ZNF3: variants seen among roughly 807,000 people sequenced by gnomAD.
The protein encoded by ZNF3 is C2-H2 type zinc finger protein.
A neutral mutation model predicts 36.9 loss-of-function variants in ZNF3; 16 were observed. The ratio of observed to expected loss-of-function variants is 0.43; its 90% CI spans 0.29 to 0.66. ZNF3 has a LOEUF of 0.66. Ranked by LOEUF, ZNF3 falls within the 30% of genes least tolerant of loss-of-function variation. The pLI, the probability that ZNF3 is intolerant of heterozygous loss-of-function variation, is 0.13. For missense variants in ZNF3, 462 were observed against 543.1 expected (o/e 0.85, Z 1.48); for synonymous variants, 201 against 201.9 (o/e 1.00, Z 0.04).
Position 100,075,273 on chromosome 7 carries a change from C to A in ZNF3, c.145-12G>T. 1.2e-6 allele frequency: 2 copies of A among 1,614,002 alleles called. No homozygotes were observed. Among genetic ancestry groups the A allele is most frequent in the Non-Finnish European group, 1.7e-6 (2 of 1,179,996 alleles). ...AAGGTTACCAGCTCCTGAAACAACA[C>A]GTGCTGGCATGCAATTTCAGGGTGA... On this transcript the variant is annotated splice_polypyrimidine_tract_variant and intron_variant, in intron 4 of 5. Coordinates refer to ENST00000299667, the MANE Select transcript of ZNF3 (RefSeq NM_032924.5).
downstream of ZNF3, chr7:100,063,978 A>T: frequency 6.2e-7 from 1 of 1,614,194 alleles, no homozygotes; most frequent in Non-Finnish European, 8.5e-7. Context: ...GCTCCAAGAA[A>T]GGTAGAGAAT....
At chr7:100,076,538 C>T (rs1794139977) in intron 3 of ZNF3, among the ~76,000 whole-genome samples, 1 of 151,730 alleles carries the variant, frequency 6.6e-6, no homozygotes, top group African/African-American at 2.4e-5. Context: ...GTGATCTGCC[C>T]GCCTCAGCCT....
chr7:100,072,256 G>C, intron 5 of ZNF3, 44 bp from the exon 6 acceptor site: 2 of 1,480,098 alleles, frequency 1.4e-6, no homozygotes, highest in Non-Finnish European at 1.8e-6. Context: ...CCTTAGGGAA[G>C]AAAGAGTGAA....
Position 100,070,911 on chromosome 7 carries a change from G to A in ZNF3, c.*232C>T. On this transcript the variant is annotated 3_prime_UTR_variant, in exon 6 of 6. Transcript: ENST00000299667. ...TAGTGCAAACTCCTTTCCTAAATGG[G>A]GTAACTGGTCCCAGAGCTGCTTTCT... 1.5e-6 allele frequency: 2 copies of A among 1,325,056 alleles called. No individual in the cohort carries two copies. Among genetic ancestry groups the A allele is most frequent in the East Asian group, 2.9e-5 (1 of 34,660 alleles). The allele number at this position is 1,325,056 out of a possible 1,614,324, so 82.1% of individuals were successfully genotyped here.
chr7:100,071,492 T>C lies in ZNF3; in HGVS notation c.992A>G (p.Gln331Arg), dbSNP rs757561310. Residue 331 changes from glutamine (Q) to arginine (R), a missense_variant, in exon 6 of 6, where the codon CAG becomes CGG. Coordinates refer to ENST00000299667, the MANE Select transcript of ZNF3 (RefSeq NM_032924.5). Reference sequence around the variant, plus strand: ...GGGTTTTTCTCCAGTGTGGATTCTCTGATGGTGAATAAGGGTTGAGCTCCT... The same window carrying C: ...GGGTTTTTCTCCAGTGTGGATTCTCCGATGGTGAATAAGGGTTGAGCTCCT... ...FSRSSTLIHHQRIHTGEKPYE... is the reference protein window; with the variant it reads ...FSRSSTLIHHRRIHTGEKPYE... 6.2e-7 allele frequency: 1 copy of C among 1,613,932 alleles called. No homozygotes were observed. Among genetic ancestry groups the C allele is most frequent in the African/African-American group, 1.3e-5 (1 of 74,880 alleles).
chr7:100,070,214 T>C lies in ZNF3; in HGVS notation c.*929A>G, dbSNP rs931122878. 3.0e-6 allele frequency: 3 copies of C among 985,386 alleles called. No homozygotes were observed. In the African/African-American group the frequency reaches 5.2e-5, roughly 17 times the overall value. 61.0% of individuals were successfully genotyped at this position (985,386 alleles called of 1,614,324 possible). A position where few individuals can be genotyped will look rare whatever the true frequency, so the allele number is the denominator to read the frequency against. On this transcript the variant is annotated 3_prime_UTR_variant, in exon 6 of 6. Coordinates refer to ENST00000299667, the MANE Select transcript of ZNF3 (RefSeq NM_032924.5). ...CTTTGCTCTTTCTCTGCATTAATCT[T>C]CAGCTGCTGAAGAGTCAGAGGTGGA...
intron 5 of ZNF3, chr7:100,064,942 T>C (rs1584393727): frequency 1.2e-6 from 2 of 1,609,004 alleles, no homozygotes; most frequent in South Asian, 2.2e-5. Context: ...TAAGATTGTT[T>C]AATTTTTAAC....
chr7:100,071,628 A>T lies in ZNF3; in HGVS notation c.856T>A (p.Cys286Ser). 1 of 1,614,080 alleles carries T rather than the reference A, an allele frequency of 6.2e-7. No homozygotes were observed. Among genetic ancestry groups the T allele is most frequent in the South Asian group, 1.1e-5 (1 of 91,080 alleles). The change falls in exon 6 of 6, where the codon TGT becomes AGT. Residue 286 changes from cysteine to serine, a missense_variant. Cys to Ser is a moderately radical substitution (Grantham distance 112). Coordinates refer to ENST00000299667, the MANE Select transcript of ZNF3 (RefSeq NM_032924.5). ...RIHTGEKPYE[C>S]NECGKTFSWS... is the part of the protein sequence containing the mutation. ...CTGAAGGTCTTCCCACACTCATTAC[A>T]TTCATAGGGTTTCTCCCCCGTGTGG...
At chr7:100,074,150 A>G (rs1793678389) in intron 5 of ZNF3, among the ~76,000 whole-genome samples, 1 of 151,980 alleles carries the variant, frequency 6.6e-6, no homozygotes, top group African/African-American at 2.4e-5. Flanking sequence ...GTGAAACTCC[A>G]TCTCAAAAAA....
At chr7:100,074,622 A>G (rs571861054) in intron 5 of ZNF3, among the ~76,000 whole-genome samples, 1 of 152,358 alleles carries the variant, frequency 6.6e-6, no homozygotes, top group African/African-American at 2.4e-5. Context: ...AGCTGCCTCA[A>G]TTAATGTGTT....
rs1793206716 is a variant in ZNF3 at position 100,071,818 on chromosome 7, G to A, written c.666C>T (p.His222=). The stretch of plus-strand genomic sequence containing the variant: ...TACATTCATAGGGCTTTTCCCCAGT[G>A]TGGATTCTCTGATGTTGAATAAGGT... ...TSDLIQHQRI[H]TGEKPYECNE... The change falls in exon 6 of 6, where the codon CAC becomes CAT. Residue 222 remains histidine (H), a synonymous_variant. Transcript: ENST00000299667. The A allele has an allele frequency of 6.2e-7, 1 of 1,613,760 alleles. No individual in the cohort carries two copies. The highest frequency in any genetic ancestry group is 1.3e-5 in the African/African-American group (1 of 74,926).
At chr7:100,080,283 G>A (rs959042204) in intron 1 of ZNF3, among the ~76,000 whole-genome samples, 1 of 152,188 alleles carries the variant, frequency 6.6e-6, no homozygotes, top group African/African-American at 2.4e-5. Flanking sequence ...GTGATTCGCT[G>A]AAAATCTATC....
chr7:100,075,468 G>C (rs748771898), intron 4 of ZNF3, 74 bp downstream of exon 4: 2 of 1,571,868 alleles, frequency 1.3e-6, no homozygotes, highest in Non-Finnish European at 1.7e-6. Context: ...GAGGAGATCA[G>C]GGTTTAAAGC....
chr7:100,079,547 TTTCC>T lies in ZNF3; in HGVS notation c.-92_-89del, dbSNP rs1320463812. The T allele has an allele frequency of 6.6e-6, 1 of 152,198 alleles. No homozygotes were observed. Among genetic ancestry groups the T allele is most frequent in the Admixed American group, 6.5e-5 (1 of 15,274 alleles). 9.4% of individuals were successfully genotyped at this position (152,198 alleles called of 1,614,324 possible). Reference sequence around the variant, plus strand: ...ACGGAAAGCTTTACCTGCCTGATTCTTTCCTTCCTTCTTTGAAGTCAGTCCCTAG... The same window carrying T: ...ACGGAAAGCTTTACCTGCCTGATTCTTTCCTTCTTTGAAGTCAGTCCCTAG... On this transcript the variant is annotated 5_prime_UTR_variant, in exon 2 of 6. Transcript: ENST00000299667.
intron 3 of ZNF3, 133 bp downstream of exon 3, chr7:100,077,170 T>C (rs1266575595): frequency 9.4e-7 from 1 of 1,065,284 alleles, no homozygotes; most frequent in Non-Finnish European, 1.4e-6. Flanking sequence ...GGCTGTGAGT[T>C]ACTGAATGGC....
intron 5 of ZNF3, among the ~76,000 whole-genome samples, chr7:100,072,969 G>A (rs1323353077): frequency 6.6e-6 from 1 of 152,220 alleles, no homozygotes; most frequent in Admixed American, 6.5e-5. Context: ...GGTAATGTGT[G>A]TTAGGGACGG....
Position 100,064,428 on chromosome 7 carries a change from C to T in ZNF3, c.*360G>A, listed in dbSNP as rs759065322. On this transcript the variant is annotated 3_prime_UTR_variant, in exon 6 of 6. Transcript: ENST00000413658. ...TCAGCTCCCACCAGAGACTCCACAC[C>T]GGAGAGAAGCCATATAAGTGTAAGG... 1.6e-5 allele frequency: 26 copies of T among 1,613,906 alleles called. No individual in the cohort carries two copies. The East Asian group carries it at 1.8e-4, about 11-fold the overall frequency.
chr7:100,081,453 C>T lies in ZNF3; in HGVS notation c.-198+182G>A, dbSNP rs1157840932. 6.6e-6 allele frequency among the ~76,000 whole-genome samples: 1 copy of T among 152,200 alleles called. No homozygotes were observed. The highest frequency in any genetic ancestry group is 2.4e-5 in the African/African-American group (1 of 41,466). ...AACCCCTACGCAGGATCCCGCTAGGCTAGGGGGATCCCTGGGGAAGCGGAG... is the reference window on the plus strand; with the variant it reads ...AACCCCTACGCAGGATCCCGCTAGGTTAGGGGGATCCCTGGGGAAGCGGAG... On this transcript the variant is annotated intron_variant, in intron 1 of 5. Coordinates refer to ENST00000299667, the MANE Select transcript of ZNF3 (RefSeq NM_032924.5). This position sits in a 1 kb window ranked among gnomAD's most constrained non-coding sequence, Gnocchi z 4.3.
chr7:100,075,023 C>A (rs143239302), intron 5 of ZNF3, 112 bp downstream of exon 5: 969 of 1,397,556 alleles, frequency 6.9e-4, no homozygotes, highest in South Asian at 2.0e-3. Flanking sequence ...TGCCATTGCA[C>A]CTCAAAAAAA....
Sources: gnomAD v4.1 joint callset for allele counts (sites outside exome capture counted in the v4.1 genomes callset) on GRCh38, gnomAD v4.1.1 for gene constraint, Gnocchi (gnomAD v3.1) non-coding constraint, MANE v1.5 for transcripts, NCBI Gene and HGNC (gene_info 2026-07-23, HGNC 2026-07-21) for gene names.